EYA2: variants seen among roughly 807,000 people sequenced by gnomAD.
The protein encoded by EYA2 is EYA transcriptional coactivator and phosphatase 2, also known as protein phosphatase EYA2.
A neutral mutation model predicts 69.2 loss-of-function variants in EYA2; 31 were observed. The ratio of observed to expected loss-of-function variants is 0.45; its 90% CI spans 0.34 to 0.60. EYA2 has a LOEUF of 0.60. Ranked by LOEUF, EYA2 falls within the 20% of genes least tolerant of loss-of-function variation. The pLI is 0.02. For missense variants in EYA2, 622 were observed against 701.2 expected (o/e 0.89, Z 1.28); for synonymous variants, 257 against 279.4 (o/e 0.92, Z 0.80).
intron 9 of EYA2, among the ~76,000 whole-genome samples, chr20:47,110,367 G>A (rs2032713459): frequency 1.3e-5 from 2 of 152,182 alleles, no homozygotes; most frequent in African/African-American, 4.8e-5. Flanking sequence ...TCAGCCTCTT[G>A]TGTAGCTGGG....
intron 2 of EYA2, among the ~76,000 whole-genome samples, chr20:46,990,362 T>G (rs745831924): frequency 1.2e-4 from 19 of 152,218 alleles, no homozygotes; most frequent in Non-Finnish European, 2.5e-4. Flanking sequence ...GGTCTCCAAT[T>G]CCAAGAAATG....
At chr20:46,985,638 G>A (rs923446875) in intron 1 of EYA2, among the ~76,000 whole-genome samples, 16 of 152,206 alleles carry the variant, frequency 1.1e-4, no homozygotes, top group African/African-American at 3.4e-4. Context: ...AATGGAAAAA[G>A]AGGGTCAAAT....
At chr20:47,164,570 G>A (rs1352973659) in intron 10 of EYA2, among the ~76,000 whole-genome samples, 4 of 152,162 alleles carry the variant, frequency 2.6e-5, no homozygotes, top group African/African-American at 9.7e-5. Context: ...GTCAGCGGTT[G>A]CCGTTTAAAT....
Position 46,989,998 on chromosome 20 carries a change from C to G in EYA2, c.-10-3C>G. 7.0e-7 allele frequency: 1 copy of G among 1,420,390 alleles called. No individual in the cohort carries two copies. The allele number at this position is 1,420,390 out of a possible 1,614,324, so 88.0% of individuals were successfully genotyped here. ...AATTATATTTCCCTTTGTTTTCTTT[C>G]AGGTACAAGGAAATGGTAGAACTAG... On this transcript the variant is annotated splice_polypyrimidine_tract_variant and splice_region_variant and intron_variant, in intron 1 of 15. Transcript: ENST00000327619.
At chr20:47,016,096 T>C in intron 4 of EYA2, 85 bp from the exon 5 acceptor site, 1 of 1,005,728 alleles carries the variant, frequency 9.9e-7, no homozygotes, top group Non-Finnish European at 1.6e-6. Flanking sequence ...CATGCTGTCT[T>C]GACCCAGTAG....
intron 1 of EYA2, among the ~76,000 whole-genome samples, chr20:46,944,345 T>C (rs551339874): frequency 6.6e-6 from 1 of 152,038 alleles, no homozygotes; most frequent in East Asian, 1.9e-4. Context: ...CCAGGGCGGG[T>C]TCGTAAGGGC....
At chr20:47,126,624 T>C (rs999901543) in intron 9 of EYA2, among the ~76,000 whole-genome samples, 1 of 152,224 alleles carries the variant, frequency 6.6e-6, no homozygotes, top group African/African-American at 2.4e-5. Flanking sequence ...GCTGGTTTCA[T>C]TAACAAGTTA....
chr20:46,973,351 C>G (rs556336650), intron 1 of EYA2, among the ~76,000 whole-genome samples: 1 of 152,232 alleles, frequency 6.6e-6, no homozygotes, highest in Admixed American at 6.5e-5. Flanking sequence ...GGAGGCTATT[C>G]TAGATTAAAT....
intron 9 of EYA2, among the ~76,000 whole-genome samples, chr20:47,115,681 C>T (rs960942661): frequency 1.3e-5 from 2 of 152,194 alleles, no homozygotes; most frequent in African/African-American, 4.8e-5. Context: ...CCTGCTTCCC[C>T]TCTGCCTCCA....
At chr20:47,109,457 A>G (rs940771806) in intron 9 of EYA2, among the ~76,000 whole-genome samples, 10 of 151,960 alleles carry the variant, frequency 6.6e-5, no homozygotes, top group African/African-American at 2.4e-4. Context: ...TAACATATAC[A>G]TTCTCTTTTT....
At chr20:47,000,669 C>T (rs1335077163) in intron 2 of EYA2, among the ~76,000 whole-genome samples, 3 of 152,086 alleles carry the variant, frequency 2.0e-5, no homozygotes, top group Non-Finnish European at 4.4e-5. Flanking sequence ...CCCAGCTTAA[C>T]TCTGTCACCT....
chr20:47,045,237 G>T (rs980864479), intron 5 of EYA2, among the ~76,000 whole-genome samples: 2 of 152,340 alleles, frequency 1.3e-5, no homozygotes, highest in South Asian at 2.1e-4. Context: ...TCATCTGGCA[G>T]CTGGTGCTAC....
At chr20:47,130,896 C>G (rs2033325894) in intron 9 of EYA2, among the ~76,000 whole-genome samples, 1 of 152,144 alleles carries the variant, frequency 6.6e-6, no homozygotes, top group African/African-American at 2.4e-5. Flanking sequence ...TCAAGACCAG[C>G]CTGGCCAACA....
intron 8 of EYA2, 58 bp downstream of exon 8, chr20:47,089,439 CAA>C: frequency 9.7e-6 from 15 of 1,549,456 alleles, no homozygotes; most frequent in Non-Finnish European, 9.6e-6. Flanking sequence ...GAGGCCCAAA[CAA>C]GAGTGGGGAC....
At chr20:47,154,914 C>T (rs2033894067) in intron 10 of EYA2, among the ~76,000 whole-genome samples, 1 of 150,840 alleles carries the variant, frequency 6.6e-6, no homozygotes, top group Non-Finnish European at 1.5e-5. Flanking sequence ...GCTGCGATCT[C>T]AGCTCACTGC....
chr20:46,989,359 G>A (rs908535091), intron 1 of EYA2, among the ~76,000 whole-genome samples: 2 of 152,132 alleles, frequency 1.3e-5, no homozygotes, highest in East Asian at 1.9e-4. Context: ...TCTGCCTCCC[G>A]GGTTCAAGCG....
intron 14 of EYA2, among the ~76,000 whole-genome samples, chr20:47,182,788 T>G (rs1483923539): frequency 1.3e-5 from 2 of 151,586 alleles, no homozygotes. Flanking sequence ...AATACAAAAA[T>G]TAGCCAGGTG....
chr20:46,991,744 C>T (rs377146243), intron 2 of EYA2, among the ~76,000 whole-genome samples: 9 of 152,050 alleles, frequency 5.9e-5, no homozygotes, highest in East Asian at 1.9e-4. Flanking sequence ...CCAAGGCAGG[C>T]GGATCACGAG....
chr20:47,164,658 C>T (rs1047100919), intron 10 of EYA2, among the ~76,000 whole-genome samples: 8 of 152,134 alleles, frequency 5.3e-5, no homozygotes, highest in African/African-American at 1.9e-4. Context: ...GTCTCAGACT[C>T]ACATGCCTAG....
Sources: gnomAD v4.1 joint callset for allele counts (sites outside exome capture counted in the v4.1 genomes callset) on GRCh38, gnomAD v4.1.1 for gene constraint, MANE v1.5 for transcripts, NCBI Gene and HGNC (gene_info 2026-07-23, HGNC 2026-07-21) for gene names.